ZBED6: variants seen among roughly 807,000 people sequenced by gnomAD.
The protein encoded by ZBED6 is zinc finger BED domain-containing protein 6.
Under a neutral mutation model 58.4 loss-of-function variants are expected in ZBED6, and 40 were observed. The ratio of observed to expected loss-of-function variants is 0.68; its 90% CI spans 0.53 to 0.89. ZBED6 has a LOEUF of 0.89. ZBED6 is among the 40% of genes least tolerant of loss of function. The pLI, the probability that ZBED6 is intolerant of heterozygous loss-of-function variation, is 0.00. For synonymous variants in ZBED6, 439 were observed against 350.6 expected, an observed-to-expected ratio of 1.25 and a Z score of -2.82; for missense variants, 1,057 against 1,003.9, an observed-to-expected ratio of 1.05 and a Z score of -0.71.
chr1:203,819,226 A>AT (rs967842944), intron 3 of ZBED6, among the ~76,000 whole-genome samples: 1,238 of 123,794 alleles, frequency 0.01, 9 homozygotes, highest in African/African-American at 0.012. Flanking sequence ...CTTTCTTTTT[A>AT]TTTTTTTTTT....
At chr1:203,806,847 T>TTG (rs35164394) in intron 1 of ZBED6, among the ~76,000 whole-genome samples, 5 of 148,804 alleles carry the variant, frequency 3.4e-5, no homozygotes, top group Non-Finnish European at 7.5e-5. Flanking sequence ...TTTTTTTTTT[T>TTG]GCTATTTTAC....
chr1:203,818,561 T>G lies in ZBED6; in HGVS notation c.*2754-9T>G, dbSNP rs1677151940. The G allele has an allele frequency of 1.2e-6, 2 of 1,613,872 alleles. No individual in the cohort carries two copies. Among genetic ancestry groups the G allele is most frequent in the East Asian group, 2.2e-5 (1 of 44,876 alleles). On this transcript the variant is annotated splice_polypyrimidine_tract_variant and intron_variant, in intron 2 of 16. Coordinates refer to ENST00000550078, the Ensembl canonical transcript of ZBED6. ...TGCTACAAATAGAGTGTTCTCTATT[T>G]GTTTACAGGGTGACAGCTGCCCATT...
At chr1:203,843,695 G>C (rs1279157512) in intron 11 of ZBED6, among the ~76,000 whole-genome samples, 1 of 152,170 alleles carries the variant, frequency 6.6e-6, no homozygotes, top group Non-Finnish European at 1.5e-5. Context: ...GTGGCCATAT[G>C]GGCTATATAT....
chr1:203,799,145 A>G (rs905891965), exon 1 of ZBED6: 40 of 1,493,196 alleles, frequency 2.7e-5, no homozygotes, highest in Non-Finnish European at 3.2e-5. Flanking sequence ...ATATTTTACA[A>G]GAATTAAATG....
chr1:203,801,831 T>TA (rs750154808), exon 1 of ZBED6: 5 of 132,082 alleles, frequency 3.8e-5, no homozygotes, highest in African/African-American at 1.4e-4. Context: ...TTTTTTTTTT[T>TA]AAATTCTTAA....
chr1:203,838,149 T>G (rs1234028414), intron 10 of ZBED6, 85 bp downstream of exon 10: 2 of 1,272,062 alleles, frequency 1.6e-6, no homozygotes, highest in Non-Finnish European at 2.2e-6. Context: ...TTTTTCATTC[T>G]TTTGTTCAGG....
chr1:203,797,287 C>A, exon 1 of ZBED6: 1 of 342,510 alleles, frequency 2.9e-6, no homozygotes, highest in East Asian at 5.3e-5. Flanking sequence ...GAATTCAGAA[C>A]TTAGAAAATT....
chr1:203,809,508 T>C (rs1450931369), intron 1 of ZBED6, among the ~76,000 whole-genome samples: 1 of 152,150 alleles, frequency 6.6e-6, no homozygotes, highest in Non-Finnish European at 1.5e-5. Flanking sequence ...TGTTCATTTG[T>C]AGCAATGCTA....
At chr1:203,825,184 T>C (rs953446160) in intron 3 of ZBED6, among the ~76,000 whole-genome samples, 2 of 151,952 alleles carry the variant, frequency 1.3e-5, no homozygotes, top group African/African-American at 4.8e-5. Context: ...CAATATTAAA[T>C]GCACCCAAAA....
intron 11 of ZBED6, among the ~76,000 whole-genome samples, chr1:203,842,468 C>T (rs892676077): frequency 5.9e-5 from 9 of 152,046 alleles, no homozygotes; most frequent in African/African-American, 9.7e-5. Context: ...TGTGGCGGCG[C>T]GCGCCTGCAA....
At chr1:203,813,289 C>G (rs1675144955) in intron 1 of ZBED6, among the ~76,000 whole-genome samples, 1 of 151,926 alleles carries the variant, frequency 6.6e-6, no homozygotes, top group Non-Finnish European at 1.5e-5. Context: ...TCACTGCAAC[C>G]TCCGCCTCCC....
chr1:203,828,674 A>C (rs1405443811), intron 4 of ZBED6, among the ~76,000 whole-genome samples: 1 of 152,186 alleles, frequency 6.6e-6, no homozygotes, highest in Non-Finnish European at 1.5e-5. Flanking sequence ...CAGACCCATA[A>C]ACGTTTTCAA....
exon 1 of ZBED6, chr1:203,801,618 T>C (rs1438089762): frequency 6.6e-6 from 1 of 152,586 alleles, no homozygotes; most frequent in East Asian, 1.9e-4. Flanking sequence ...GAAAATTGAC[T>C]AGTATTAAGT....
chr1:203,843,976 C>A (rs1012952196), intron 11 of ZBED6, among the ~76,000 whole-genome samples: 1 of 150,430 alleles, frequency 6.6e-6, no homozygotes, highest in African/African-American at 2.4e-5. Context: ...TCCTGCCTCA[C>A]CCTTCCGAGT....
chr1:203,842,020 G>A (rs1233467576), intron 11 of ZBED6, among the ~76,000 whole-genome samples: 10 of 150,848 alleles, frequency 6.6e-5, no homozygotes, highest in South Asian at 2.1e-4. Context: ...GGGCAGAGGC[G>A]CTCCCCACAT....
chr1:203,822,443 C>T (rs375723029), intron 3 of ZBED6, among the ~76,000 whole-genome samples: 62 of 152,022 alleles, frequency 4.1e-4, no homozygotes, highest in African/African-American at 1.4e-3. Context: ...CAACACGATC[C>T]CTATAATGGA....
intron 1 of ZBED6, among the ~76,000 whole-genome samples, chr1:203,805,320 A>G (rs868390193): frequency 6.3e-4 from 95 of 151,786 alleles, no homozygotes; most frequent in Middle Eastern, 3.4e-3. Flanking sequence ...TTTAGTAGAG[A>G]TGGGGTTTCA....
chr1:203,810,483 G>A (rs1237489755), intron 1 of ZBED6, among the ~76,000 whole-genome samples: 1 of 149,374 alleles, frequency 6.7e-6, no homozygotes, highest in East Asian at 2.0e-4. Context: ...GCAGTGGCGC[G>A]ATCTCAGCTC....
intron 1 of ZBED6, among the ~76,000 whole-genome samples, chr1:203,805,081 A>G (rs1284588021): frequency 6.6e-6 from 1 of 151,790 alleles, no homozygotes; most frequent in Non-Finnish European, 1.5e-5. Flanking sequence ...TTCATTATTG[A>G]TTTCAAGATG....
Sources: allele counts gnomAD v4.1 joint callset (sites outside exome capture counted in the v4.1 genomes callset), GRCh38; gene constraint gnomAD v4.1.1; transcripts MANE v1.5; gene names NCBI Gene and HGNC (gene_info 2026-07-23, HGNC 2026-07-21).